Variants in PMPCA observed in about 807,000 individuals in gnomAD.
The protein encoded by PMPCA is peptidase, mitochondrial processing subunit alpha.
In PMPCA, 47 loss-of-function variants were observed where a neutral mutation model predicts 59.3. That is an observed-to-expected ratio of 0.79 (90% CI 0.63 to 1.01). The LOEUF (loss-of-function observed/expected upper bound fraction) is 1.01, where lower values mean the gene tolerates loss of function less well. Ranked by LOEUF, PMPCA falls within the 50% of genes least tolerant of loss-of-function variation. The pLI is 0.00. For missense variants in PMPCA, 726 were observed against 704.5 expected (o/e 1.03, Z -0.34); for synonymous variants, 338 against 290.3 (o/e 1.16, Z -1.67).
At chr9:136,420,016 T>TTGA (rs981129489) in intron 11 of PMPCA, 1 of 151,442 alleles carries the variant, frequency 6.6e-6, no homozygotes, top group Non-Finnish European at 1.5e-5. Flanking sequence ...AGACAGAGTC[T>TTGA]TGCTCAGGCT....
rs370448083 is a variant in PMPCA, at chr9:136,418,815, C to A, written c.1110-13C>A. 3.1e-6 allele frequency: 5 copies of A among 1,601,830 alleles called. No individual in the cohort carries two copies. The Admixed American group carries it at 8.3e-5, about 27-fold the overall frequency. The stretch of plus-strand genomic sequence containing the variant: ...GAGTCCCCTTCACTCCCATGACTCT[C>A]GCTTCCTCCCAGGCACCACTGGATG... On this transcript the variant is annotated splice_polypyrimidine_tract_variant and intron_variant, in intron 9 of 12. Coordinates refer to ENST00000371717, the MANE Select transcript of PMPCA (RefSeq NM_015160.3).
intron 6 of PMPCA, 104 bp downstream of exon 6, chr9:136,416,495 T>C: frequency 1.2e-6 from 1 of 815,760 alleles, no homozygotes; most frequent in East Asian, 2.5e-5. Context: ...TTGCAGGTTA[T>C]GGATATATAC....
At chr9:136,416,639 A>C (rs1427683874) in intron 6 of PMPCA, 1 of 604,572 alleles carries the variant, frequency 1.7e-6, no homozygotes, top group Non-Finnish European at 3.0e-6. Flanking sequence ...GAGTCACCGC[A>C]CTCAGCTTAG....
chr9:136,415,845 C>T (rs1835258699), intron 5 of PMPCA, among the ~76,000 whole-genome samples: 2 of 152,312 alleles, frequency 1.3e-5, no homozygotes, highest in Admixed American at 1.3e-4. Context: ...GCTGGCCAGG[C>T]TGGTCTTGAA....
intron 6 of PMPCA, 60 bp from the exon 7 acceptor site, chr9:136,416,891 T>C: frequency 1.3e-6 from 2 of 1,523,106 alleles, no homozygotes; most frequent in Non-Finnish European, 1.8e-6. Flanking sequence ...GTGCTGCTTG[T>C]TGGAGGAAGC....
chr9:136,417,057 C>T lies in PMPCA; in HGVS notation c.740C>T (p.Thr247Ile). Residue 247 changes from threonine to isoleucine, a missense_variant, in exon 7 of 13, where the codon ACT (threonine) becomes ATT (isoleucine). Transcript: ENST00000371717. Reference protein sequence around the residue: ...VLHSYLRNYYTPDRMVLAGVG... With the variant: ...VLHSYLRNYYIPDRMVLAGVG... ...CATTCCTACCTGAGGAACTACTACA[C>T]TCCCGACCGCATGGTGCTGGCCGGC... 6.2e-7 allele frequency: 1 copy of T among 1,614,044 alleles called. No homozygotes were observed. The highest frequency in any genetic ancestry group is 1.1e-5 in the South Asian group (1 of 91,078).
chr9:136,411,918 A>G (rs940613340), intron 1 of PMPCA, 79 bp from the exon 2 acceptor site: 16 of 819,166 alleles, frequency 2.0e-5, no homozygotes, highest in Non-Finnish European at 2.9e-5. Context: ...CAGACAAAAC[A>G]TAACTAACCG....
intron 12 of PMPCA, 120 bp downstream of exon 12, chr9:136,422,096 G>C: frequency 6.5e-7 from 1 of 1,546,304 alleles, no homozygotes; most frequent in South Asian, 1.2e-5. Flanking sequence ...CCAGAATCTG[G>C]GGCCTTCACC....
At chr9:136,421,347 CTAAAAAACCT>C (rs1835442185) in intron 11 of PMPCA, among the ~76,000 whole-genome samples, 1 of 151,906 alleles carries the variant, frequency 6.6e-6, no homozygotes, top group African/African-American at 2.4e-5. Flanking sequence ...CAGCCCTTCC[CTAAAAAACCT>C]GAAGGGGAGA....
chr9:136,411,650 TA>T (rs1236830605), intron 1 of PMPCA, among the ~76,000 whole-genome samples: 5 of 152,330 alleles, frequency 3.3e-5, no homozygotes, highest in Admixed American at 2.0e-4. Context: ...ACCAGGTTAA[TA>T]AGGGATATGG....
At chr9:136,419,753 T>TTTTGTTTTTTGTTTTC (rs1835395391) in intron 11 of PMPCA, 1 of 154,588 alleles carries the variant, frequency 6.5e-6, no homozygotes, top group Non-Finnish European at 1.4e-5. Context: ...TGGCTAATTT[T>TTTTGTTTTTTGTTTTC]TGTATTTTTA....
At chr9:136,413,365 G>A (rs1211806802) in intron 4 of PMPCA, among the ~76,000 whole-genome samples, 1 of 152,170 alleles carries the variant, frequency 6.6e-6, no homozygotes, top group East Asian at 1.9e-4. Flanking sequence ...GGAGGTGCCG[G>A]CTGCTTGGTG....
At chr9:136,420,866 A>T (rs1835429019) in intron 11 of PMPCA, 4 of 151,894 alleles carry the variant, frequency 2.6e-5, no homozygotes. Flanking sequence ...CCAAGGTGGG[A>T]GGATCACTTG....
At chr9:136,417,338 A>C in intron 7 of PMPCA, 124 bp downstream of exon 7, 1 of 739,994 alleles carries the variant, frequency 1.4e-6, no homozygotes, top group Non-Finnish European at 2.1e-6. Flanking sequence ...CTTTGCCTTA[A>C]CACATGCTGT....
intron 6 of PMPCA, 52 bp downstream of exon 6, chr9:136,416,443 G>A: frequency 8.0e-7 from 1 of 1,257,612 alleles, no homozygotes; most frequent in Non-Finnish European, 1.2e-6. Context: ...TGGTCCTCGG[G>A]ACACCAGGGG....
intron 2 of PMPCA, 128 bp from the exon 3 acceptor site, chr9:136,412,362 A>G (rs987558988): frequency 4.0e-6 from 3 of 750,868 alleles, no homozygotes; most frequent in Non-Finnish European, 7.0e-6. Context: ...CTGTGAAACC[A>G]TCAGCACAAT....
intron 4 of PMPCA, 70 bp from the exon 5 acceptor site, chr9:136,414,483 G>T: frequency 1.9e-6 from 2 of 1,038,608 alleles, no homozygotes; most frequent in Non-Finnish European, 1.5e-6. Flanking sequence ...CGCAAAGCCC[G>T]AGCGTCCCCT....
Position 136,423,450 on chromosome 9 carries a change from T to A in PMPCA, c.*186T>A. ...AATGTGCCGATCAGTGGAGTCAGTA[T>A]CGAGCCTGACCACCGCAAGCCAGGA... On this transcript the variant is annotated 3_prime_UTR_variant, in exon 13 of 13. Coordinates refer to ENST00000371717, the MANE Select transcript of PMPCA (RefSeq NM_015160.3). 1 of 629,354 alleles carries A rather than the reference T, an allele frequency of 1.6e-6. No individual in the cohort carries two copies. Among genetic ancestry groups the A allele is most frequent in the Non-Finnish European group, 2.7e-6 (1 of 367,610 alleles). The allele number at this position is 629,354 out of a possible 1,614,324, so 39.0% of individuals were successfully genotyped here.
At chr9:136,421,385 G>A (rs1183608680) in intron 11 of PMPCA, among the ~76,000 whole-genome samples, 1 of 150,136 alleles carries the variant, frequency 6.7e-6, no homozygotes, top group Non-Finnish European at 1.5e-5. Context: ...GGTTGCCTGT[G>A]ACTTGGGCCT....
Sources: gnomAD v4.1 joint callset for allele counts (sites outside exome capture counted in the v4.1 genomes callset) on GRCh38, gnomAD v4.1.1 for gene constraint, MANE v1.5 for transcripts, NCBI Gene and HGNC (gene_info 2026-07-23, HGNC 2026-07-21) for gene names.